Variants in PLEKHH2 observed in about 807,000 individuals in gnomAD.
PLEKHH2 encodes pleckstrin homology, MyTH4 and FERM domain containing H2.
PLEKHH2 carries 129 observed loss-of-function variants against 187.9 expected under a neutral mutation model. The observed-to-expected ratio is 0.69, with a 90% confidence interval of 0.59 to 0.79. The LOEUF (loss-of-function observed/expected upper bound fraction) is 0.79. PLEKHH2 is among the 30% of genes least tolerant of loss of function. The pLI is 0.00. For missense variants in PLEKHH2, 2,076 were observed against 1,751.2 expected, an observed-to-expected ratio of 1.19 and a Z score of -3.31; for synonymous variants, 686 against 605.6, an observed-to-expected ratio of 1.13 and a Z score of -1.95.
At chr2:43,680,430 GA>G (rs200242265) in intron 3 of PLEKHH2, 446 of 155,390 alleles carry the variant, frequency 2.9e-3, no homozygotes, top group African/African-American at 6.0e-3. Context: ...AAAAACAAAA[GA>G]AAAAAAAGGC....
At chr2:43,672,710 A>G (rs1667548854) in intron 2 of PLEKHH2, among the ~76,000 whole-genome samples, 1 of 152,202 alleles carries the variant, frequency 6.6e-6, no homozygotes, top group African/African-American at 2.4e-5. Context: ...TCTTTGATTA[A>G]CTATTGCCTA....
intron 1 of PLEKHH2, among the ~76,000 whole-genome samples, chr2:43,638,963 G>T (rs1287430064): frequency 2.6e-5 from 4 of 152,110 alleles, no homozygotes; most frequent in African/African-American, 9.7e-5. Context: ...ATATTCTTAA[G>T]GCTTTGCTAC....
At chr2:43,700,945 C>T (rs1051381075) in intron 8 of PLEKHH2, among the ~76,000 whole-genome samples, 7 of 152,158 alleles carry the variant, frequency 4.6e-5, no homozygotes, top group African/African-American at 7.2e-5. Context: ...TTTACTTTTT[C>T]TTTTCTTCTT....
chr2:43,713,074 T>G (rs1214053159), intron 15 of PLEKHH2, among the ~76,000 whole-genome samples: 1 of 150,634 alleles, frequency 6.6e-6, no homozygotes, highest in African/African-American at 2.5e-5. Flanking sequence ...CCAATAATTT[T>G]GAGTGAACAA....
intron 25 of PLEKHH2, among the ~76,000 whole-genome samples, chr2:43,755,592 G>A (rs1443216552): frequency 6.6e-6 from 1 of 152,184 alleles, no homozygotes; most frequent in East Asian, 1.9e-4. Flanking sequence ...AATTTGGGCA[G>A]GGATGTGAAG....
chr2:43,657,014 C>A (rs1052295702), intron 2 of PLEKHH2, among the ~76,000 whole-genome samples: 1 of 147,688 alleles, frequency 6.8e-6, no homozygotes, highest in African/African-American at 2.5e-5. Flanking sequence ...AGCAAAACTC[C>A]GTGTCAAAAA....
chr2:43,713,910 C>T (rs1439939378), intron 15 of PLEKHH2, among the ~76,000 whole-genome samples: 2 of 152,002 alleles, frequency 1.3e-5, no homozygotes, highest in Non-Finnish European at 2.9e-5. Context: ...AAAAGACTGA[C>T]CAACTATAGC....
intron 2 of PLEKHH2, among the ~76,000 whole-genome samples, chr2:43,654,910 C>G (rs2104360289): frequency 6.6e-6 from 1 of 152,198 alleles, no homozygotes; most frequent in Non-Finnish European, 1.5e-5. Flanking sequence ...GCCAGTAGTC[C>G]CAGCTACTCA....
Position 43,766,534 on chromosome 2 carries a change from T to C in PLEKHH2, c.*936T>C. 1 of 152,950 alleles carries C rather than the reference T, an allele frequency of 6.5e-6. No individual in the cohort carries two copies. The highest frequency in any genetic ancestry group is 1.5e-5 in the Non-Finnish European group (1 of 68,504). The allele number at this position is 152,950 out of a possible 1,614,324, so 9.5% of individuals were successfully genotyped here. ...GTCTTGAACTCCTGGCCTCAAGCAA[T>C]CCTCTCTCCTCAGCCTCCCAAAGTG... On this transcript the variant is annotated 3_prime_UTR_variant, in exon 30 of 30. Transcript: ENST00000282406.
At chr2:43,731,651 G>C in intron 19 of PLEKHH2, 49 bp downstream of exon 19, 1 of 1,174,030 alleles carries the variant, frequency 8.5e-7, no homozygotes, top group Non-Finnish European at 1.2e-6. Flanking sequence ...ATACTTATAT[G>C]TTGTTAAATA....
Position 43,740,378 on chromosome 2 carries a change from G to A in PLEKHH2, c.3124-568G>A, listed in dbSNP as rs552304567. 2.0e-4 allele frequency among the ~76,000 whole-genome samples: 31 copies of A among 152,258 alleles called. No homozygotes were observed. In the South Asian group the frequency reaches 6.0e-3, roughly 30 times the overall value. On this transcript the variant is annotated intron_variant, in intron 20 of 29. Coordinates refer to ENST00000282406, the MANE Select transcript of PLEKHH2 (RefSeq NM_172069.4). ...ATGTTCTTCAGAAGAGAATTCTGCT[G>A]TAACATGTTTTATACTTCCTTGAAA...
rs759003557 is a variant in PLEKHH2, at chr2:43,678,891, A to G, written c.152A>G (p.Asp51Gly). The change falls in exon 3 of 30, where the codon GAT (aspartate) becomes GGT (glycine). Residue 51 changes from aspartate (D) to glycine (G), a missense_variant. By Grantham distance (94) the Asp-to-Gly change is moderately conservative. Coordinates refer to ENST00000282406, the MANE Select transcript of PLEKHH2 (RefSeq NM_172069.4). ...CAACAGCTTGAGAGACAAGTTATTG[A>G]TGCTGAACGTCAAGCAGAAAAAGCT... ...KMQQLERQVI[D>G]AERQAEKAFQ... 2.5e-6 allele frequency: 4 copies of G among 1,608,176 alleles called. No homozygotes were observed. Among genetic ancestry groups the G allele is most frequent in the Non-Finnish European group, 3.4e-6 (4 of 1,176,188 alleles).
Position 43,710,060 on chromosome 2 carries a change from G to C in PLEKHH2, c.2037G>C (p.Thr679=). The C allele has an allele frequency of 6.2e-7, 1 of 1,613,360 alleles. No individual in the cohort carries two copies. Among genetic ancestry groups the C allele is most frequent in the East Asian group, 2.2e-5 (1 of 44,884 alleles). Residue 679 remains threonine (T), a synonymous_variant, in exon 12 of 30, where the codon ACG becomes ACC. Coordinates refer to ENST00000282406, the MANE Select transcript of PLEKHH2 (RefSeq NM_172069.4). ...CTCCTGATGCTTACTCCACAGACAC[G>C]GAGTACTCACAGCCAGAGCAGAAGC... ...AIPPDAYSTD[T]EYSQPEQKLP...
At chr2:43,725,586 A>C (rs1320674978) in intron 16 of PLEKHH2, among the ~76,000 whole-genome samples, 1 of 152,162 alleles carries the variant, frequency 6.6e-6, no homozygotes, top group Non-Finnish European at 1.5e-5. Flanking sequence ...TCTGCTGGGG[A>C]CTTGCTTTAC....
At chr2:43,653,344 C>A (rs1230392399) in intron 2 of PLEKHH2, among the ~76,000 whole-genome samples, 9 of 152,112 alleles carry the variant, frequency 5.9e-5, no homozygotes, top group Admixed American at 5.2e-4. Flanking sequence ...GGCTTCAGAC[C>A]TTTCAAAAGC....
intron 15 of PLEKHH2, 106 bp downstream of exon 15, chr2:43,712,489 G>T: frequency 7.8e-7 from 1 of 1,287,572 alleles, no homozygotes. Context: ...ATATTGATAT[G>T]ATCTTGGGGA....
intron 3 of PLEKHH2, among the ~76,000 whole-genome samples, chr2:43,691,148 T>C (rs1668771547): frequency 6.6e-6 from 1 of 152,206 alleles, no homozygotes; most frequent in Non-Finnish European, 1.5e-5. Context: ...TTACCCTTAT[T>C]GATGCAGGAT....
Position 43,710,584 on chromosome 2 carries a change from C to CTTTTTTT in PLEKHH2, c.2301+27_2301+33dup, listed in dbSNP as rs376851824. ...ACAAACAAACAGTTCAGGTACTTAA[C>CTTTTTTT]TTTTTTTTTTTTTTTTTTTTTTTTG... is the stretch of plus-strand genomic sequence containing the variant. On this transcript the variant is annotated intron_variant, in intron 14 of 29. Coordinates refer to ENST00000282406, the MANE Select transcript of PLEKHH2 (RefSeq NM_172069.4). 638 of 1,242,362 alleles carry CTTTTTTT rather than the reference C, an allele frequency of 5.1e-4. 1 individual carries two copies. The highest frequency in any genetic ancestry group is 1.4e-3 in the South Asian group (74 of 52,974). The allele number at this position is 1,242,362 out of a possible 1,614,324, so 77.0% of individuals were successfully genotyped here. A position where few individuals can be genotyped will look rare whatever the true frequency, so the allele number is the denominator to read the frequency against.
At chr2:43,647,062 G>A (rs1338583700) in intron 2 of PLEKHH2, among the ~76,000 whole-genome samples, 1 of 151,888 alleles carries the variant, frequency 6.6e-6, no homozygotes, top group Non-Finnish European at 1.5e-5. Context: ...CTCCATCCAT[G>A]TTTTAATGAA....
Sources: gnomAD v4.1 joint callset for allele counts (sites outside exome capture counted in the v4.1 genomes callset) on GRCh38, gnomAD v4.1.1 for gene constraint, MANE v1.5 for transcripts, NCBI Gene and HGNC (gene_info 2026-07-23, HGNC 2026-07-21) for gene names.